The following LRRTM4 variants were observed in gnomAD, a reference collection of about 807,000 sequenced individuals.
LRRTM4 encodes the protein leucine rich repeat transmembrane neuronal 4, also known as leucine-rich repeat transmembrane neuronal protein 4.
A neutral mutation model predicts 47.6 loss-of-function variants in LRRTM4; 25 were observed. The ratio of observed to expected loss-of-function variants is 0.53; its 90% CI spans 0.38 to 0.73. The LOEUF (loss-of-function observed/expected upper bound fraction) is 0.73, where lower values mean the gene tolerates loss of function less well. LRRTM4 is among the 30% of genes least tolerant of loss of function. The pLI, the probability that LRRTM4 is intolerant of heterozygous loss-of-function variation, is 0.00. For missense variants in LRRTM4, 638 were observed against 713.4 expected, an observed-to-expected ratio of 0.89 and a Z score of 1.20; for synonymous variants, 311 against 269.5, an observed-to-expected ratio of 1.15 and a Z score of -1.51.
At chr2:77,330,426 A>G (rs1310476106) in intron 3 of LRRTM4, among the ~76,000 whole-genome samples, 1 of 152,202 alleles carries the variant, frequency 6.6e-6, no homozygotes, top group Non-Finnish European at 1.5e-5. Flanking sequence ...TTAAAATATT[A>G]CTAATTGTTT....
chr2:76,823,668 TGA>T (rs1487709839), intron 3 of LRRTM4, among the ~76,000 whole-genome samples: 2 of 151,490 alleles, frequency 1.3e-5, no homozygotes, highest in Admixed American at 6.6e-5. Flanking sequence ...TCATTGAGAA[TGA>T]GAGTCAAGTT....
At chr2:77,521,419 A>C (rs1353515670) in intron 2 of LRRTM4, among the ~76,000 whole-genome samples, 4 of 152,074 alleles carry the variant, frequency 2.6e-5, no homozygotes, top group African/African-American at 7.2e-5. Flanking sequence ...AGACAGTAGA[A>C]ACAGTCTTAA....
At chr2:76,862,452 C>T (rs1166812268) in intron 3 of LRRTM4, among the ~76,000 whole-genome samples, 1 of 151,768 alleles carries the variant, frequency 6.6e-6, no homozygotes, top group Non-Finnish European at 1.5e-5. Flanking sequence ...TGTTAAAAGC[C>T]AGCTGTCACT....
intron 3 of LRRTM4, among the ~76,000 whole-genome samples, chr2:77,298,278 C>T (rs573927140): frequency 6.6e-6 from 1 of 152,252 alleles, no homozygotes; most frequent in Non-Finnish European, 1.5e-5. Flanking sequence ...GCTCTGTCGC[C>T]CAGGCTGGAG....
At chr2:76,954,425 A>G (rs903801790) in intron 3 of LRRTM4, among the ~76,000 whole-genome samples, 33 of 151,824 alleles carry the variant, frequency 2.2e-4, no homozygotes, top group African/African-American at 6.5e-4. Context: ...AAAATTCACT[A>G]CAGTTTCTAG....
chr2:77,334,296 A>G (rs1671080830), intron 3 of LRRTM4, among the ~76,000 whole-genome samples: 1 of 152,026 alleles, frequency 6.6e-6, no homozygotes, highest in South Asian at 2.1e-4. Context: ...AATATGAGGA[A>G]ATGAGATTTA....
chr2:76,896,579 A>G (rs887771599), intron 3 of LRRTM4, among the ~76,000 whole-genome samples: 1 of 152,006 alleles, frequency 6.6e-6, no homozygotes, highest in African/African-American at 2.4e-5. Context: ...TATATGGTTC[A>G]AAGTTACAGG....
intron 3 of LRRTM4, among the ~76,000 whole-genome samples, chr2:76,827,430 G>C (rs2103881468): frequency 6.6e-6 from 1 of 151,838 alleles, no homozygotes; most frequent in South Asian, 2.1e-4. Context: ...AAGCGTTTGA[G>C]TCCCCCTTAA....
intron 3 of LRRTM4, among the ~76,000 whole-genome samples, chr2:77,044,349 C>T (rs1679157397): frequency 6.6e-6 from 1 of 151,708 alleles, no homozygotes; most frequent in Non-Finnish European, 1.5e-5. Flanking sequence ...AATGTTTCTT[C>T]AACACTCTGC....
intron 3 of LRRTM4, among the ~76,000 whole-genome samples, chr2:76,986,711 G>A (rs1676811479): frequency 6.6e-6 from 1 of 151,892 alleles, no homozygotes; most frequent in Non-Finnish European, 1.5e-5. Context: ...TGAGCCGAGA[G>A]ACAGAAAATG....
At chr2:77,064,355 A>G (rs758427609) in intron 3 of LRRTM4, among the ~76,000 whole-genome samples, 1 of 152,166 alleles carries the variant, frequency 6.6e-6, no homozygotes, top group African/African-American at 2.4e-5. Context: ...ATTGTGGTAT[A>G]TATATAGTAG....
chr2:77,496,598 A>G (rs1573494219), intron 3 of LRRTM4, among the ~76,000 whole-genome samples: 1 of 151,792 alleles, frequency 6.6e-6, no homozygotes, highest in African/African-American at 2.4e-5. Context: ...TTAATTATAT[A>G]ATGAGTTACA....
intron 3 of LRRTM4, among the ~76,000 whole-genome samples, chr2:77,485,275 G>A (rs953431594): frequency 1.3e-5 from 2 of 152,092 alleles, no homozygotes; most frequent in African/African-American, 4.8e-5. Flanking sequence ...GAGACAAAGA[G>A]ACCAAGTAAA....
intron 3 of LRRTM4, among the ~76,000 whole-genome samples, chr2:76,888,074 C>CAT (rs559018716): frequency 1.3e-5 from 2 of 149,326 alleles, no homozygotes; most frequent in Non-Finnish European, 3.0e-5. Context: ...TATATATATA[C>CAT]ATATATATAC....
At chr2:76,803,062 G>A (rs72815453) in intron 3 of LRRTM4, among the ~76,000 whole-genome samples, 3,011 of 152,032 alleles carry the variant, frequency 0.02, 60 homozygotes, top group East Asian at 0.1. Flanking sequence ...TTTATTTTTT[G>A]CATATGAACA....
In LRRTM4 at chr2:77,226,568, CTA is replaced by C. The variant is rs1674817647; in HGVS notation, c.1551+291748_1551+291749del. ...ATATATATATATATATATATATATA[CTA>C]GTGTCTAAAACAATTATTGCACTTA... is the stretch of plus-strand genomic sequence containing the variant. On this transcript the variant is annotated intron_variant, in intron 3 of 3. Transcript: ENST00000409884. 2.9e-5 allele frequency among the ~76,000 whole-genome samples: 4 copies of C among 135,942 alleles called. No homozygotes were observed. The Admixed American group carries it at 3.1e-4, about 10-fold the overall frequency. 89.2% of individuals were successfully genotyped at this position (135,942 alleles called of 152,430 possible).
At chr2:77,128,725 C>T (rs1043274043) in intron 3 of LRRTM4, among the ~76,000 whole-genome samples, 10 of 152,132 alleles carry the variant, frequency 6.6e-5, no homozygotes, top group South Asian at 2.1e-4. Flanking sequence ...CTGCTACCTC[C>T]GCCTCCCGGG....
At chr2:77,453,808 T>C (rs1466270480) in intron 3 of LRRTM4, among the ~76,000 whole-genome samples, 1 of 152,224 alleles carries the variant, frequency 6.6e-6, no homozygotes, top group Non-Finnish European at 1.5e-5. Context: ...TTCACATTTA[T>C]TTTGATAGCC....
chr2:76,907,075 T>C (rs1323703335), intron 3 of LRRTM4, among the ~76,000 whole-genome samples: 1 of 151,810 alleles, frequency 6.6e-6, no homozygotes, highest in Non-Finnish European at 1.5e-5. Context: ...TATTCCAAAA[T>C]TAACCACATA....
Sources: allele counts gnomAD v4.1 joint callset (sites outside exome capture counted in the v4.1 genomes callset), GRCh38; gene constraint gnomAD v4.1.1; transcripts MANE v1.5; gene names NCBI Gene and HGNC (gene_info 2026-07-23, HGNC 2026-07-21).